Variants in VWA3B observed in about 807,000 individuals in gnomAD.
VWA3B encodes the protein von Willebrand factor A domain-containing protein 3B.
A neutral mutation model predicts 158.3 loss-of-function variants in VWA3B; 138 were observed. That is an observed-to-expected ratio of 0.87 (90% CI 0.76 to 1.00). VWA3B has a LOEUF of 1.00. Among genes scored for constraint, VWA3B ranks in the 50% least tolerant of loss-of-function variants. The probability of loss-of-function intolerance (pLI) is 0.00; values close to 1 mark genes in which losing one functional copy is unlikely to be tolerated. For synonymous variants in VWA3B, 596 were observed against 587.3 expected (o/e 1.01, Z -0.21); for missense variants, 1,555 against 1,565.1 (o/e 0.99, Z 0.11).
At chr2:98,113,627 T>C (rs1023766942) in intron 2 of VWA3B, among the ~76,000 whole-genome samples, 1 of 152,180 alleles carries the variant, frequency 6.6e-6, no homozygotes, top group African/African-American at 2.4e-5. Flanking sequence ...TATTCACAGA[T>C]ATGTGCAACT....
intron 12 of VWA3B, among the ~76,000 whole-genome samples, chr2:98,196,486 C>T (rs1009746943): frequency 2.0e-5 from 3 of 152,146 alleles, no homozygotes; most frequent in African/African-American, 7.2e-5. Context: ...AACCCGGTAG[C>T]ACTCAGGGTG....
At chr2:98,323,707 T>C in the VWA3B span, among the ~76,000 whole-genome samples, 14 of 152,156 alleles carry the variant, frequency 9.2e-5, no homozygotes, top group Non-Finnish European at 1.8e-4. Context: ...CAGAGGAAGA[T>C]TGACATGATT....
At chr2:98,176,183 AGTT>A (rs2105323110) in intron 8 of VWA3B, among the ~76,000 whole-genome samples, 1 of 152,082 alleles carries the variant, frequency 6.6e-6, no homozygotes, top group African/African-American at 2.4e-5. Flanking sequence ...TTTTCCTGAC[AGTT>A]GTTATGTTTC....
At chr2:98,144,964 A>G (rs932685107) in intron 7 of VWA3B, among the ~76,000 whole-genome samples, 4 of 152,258 alleles carry the variant, frequency 2.6e-5, no homozygotes, top group African/African-American at 9.6e-5. Context: ...TGAGTGGCTC[A>G]GGAGCTGTGC....
intron 7 of VWA3B, among the ~76,000 whole-genome samples, chr2:98,148,399 T>C (rs1677345599): frequency 6.6e-6 from 1 of 152,240 alleles, no homozygotes; most frequent in African/African-American, 2.4e-5. Context: ...ATTACCCTTT[T>C]ACTTGCGGGG....
chr2:98,244,174 A>C lies in VWA3B; in HGVS notation c.2674-6144A>C, dbSNP rs956544961. 5.3e-5 allele frequency among the ~76,000 whole-genome samples: 8 copies of C among 152,172 alleles called. No homozygotes were observed. In the South Asian group the frequency reaches 1.0e-3, roughly 20 times the overall value. ...TATGTTATGAACATTTTTCCTTACA[A>C]TAGCCATTTTGGGATGAATTTTAGT... On this transcript the variant is annotated intron_variant, in intron 19 of 27. Transcript: ENST00000477737.
intron 23 of VWA3B, among the ~76,000 whole-genome samples, chr2:98,294,203 C>CAAAAAAAAAAAAAAAAAA (rs751689571): frequency 1.8e-5 from 1 of 56,296 alleles, no homozygotes; most frequent in Non-Finnish European, 3.0e-5. Flanking sequence ...CACACACACA[C>CAAAAAAAAAAAAAAAAAA]AAAAAAAAAA....
chr2:98,261,069 A>G (rs1687449601), intron 21 of VWA3B, among the ~76,000 whole-genome samples: 1 of 151,652 alleles, frequency 6.6e-6, no homozygotes, highest in Admixed American at 6.6e-5. Context: ...CCATTGTGCT[A>G]TTTGTTTTGC....
At chr2:98,233,393 G>A (rs1685465054) in intron 16 of VWA3B, among the ~76,000 whole-genome samples, 1 of 152,152 alleles carries the variant, frequency 6.6e-6, no homozygotes, top group Non-Finnish European at 1.5e-5. Context: ...TAGTTTTTAT[G>A]TTTGGAGACT....
intron 14 of VWA3B, among the ~76,000 whole-genome samples, chr2:98,225,614 GAAAT>G (rs1362582862): frequency 6.8e-6 from 1 of 147,790 alleles, no homozygotes; most frequent in East Asian, 2.0e-4. Flanking sequence ...GGCAAGAAAA[GAAAT>G]AAAAGGCATA....
intron 22 of VWA3B, among the ~76,000 whole-genome samples, chr2:98,271,933 A>T (rs1214987143): frequency 6.6e-6 from 1 of 152,022 alleles, no homozygotes; most frequent in Non-Finnish European, 1.5e-5. Context: ...GAGGTGGGAC[A>T]TTTAAGAGGT....
chr2:98,280,804 A>G (rs1688832693), intron 22 of VWA3B, among the ~76,000 whole-genome samples: 1 of 152,154 alleles, frequency 6.6e-6, no homozygotes, highest in East Asian at 1.9e-4. Context: ...AGACTACTGG[A>G]AAGGAAGGGG....
chr2:98,191,942 C>A (rs1234334050), intron 10 of VWA3B, among the ~76,000 whole-genome samples: 6 of 152,238 alleles, frequency 3.9e-5, no homozygotes, highest in African/African-American at 1.4e-4. Flanking sequence ...ACCCCCCAGG[C>A]TTTGCTTGCA....
chr2:98,216,210 G>A (rs1450431252), intron 13 of VWA3B, among the ~76,000 whole-genome samples: 3 of 152,176 alleles, frequency 2.0e-5, no homozygotes, highest in East Asian at 1.9e-4. Context: ...AAATTAAGTG[G>A]GTTCTAGAAA....
intron 3 of VWA3B, among the ~76,000 whole-genome samples, chr2:98,118,677 G>T (rs1674714184): frequency 6.6e-6 from 1 of 152,070 alleles, no homozygotes; most frequent in South Asian, 2.1e-4. Flanking sequence ...GCCAGCAACG[G>T]CTACCCTCTT....
intron 15 of VWA3B, among the ~76,000 whole-genome samples, chr2:98,229,238 C>T (rs542072973): frequency 1.3e-5 from 2 of 152,266 alleles, no homozygotes; most frequent in South Asian, 4.2e-4. Flanking sequence ...AAATGAGAAG[C>T]CATTTATTGA....
At chr2:98,167,534 G>A (rs1347248395) in intron 8 of VWA3B, among the ~76,000 whole-genome samples, 4 of 152,264 alleles carry the variant, frequency 2.6e-5, no homozygotes, top group East Asian at 3.9e-4. Context: ...GAGGAGGAAC[G>A]TAGGTGGAGC....
intron 21 of VWA3B, among the ~76,000 whole-genome samples, chr2:98,266,865 A>G (rs955805113): frequency 5.4e-5 from 8 of 149,216 alleles, no homozygotes; most frequent in African/African-American, 2.0e-4. Flanking sequence ...ATTGGTGTAT[A>G]AGAATGCTTG....
chr2:98,305,421 T>G (rs1428826832), intron 26 of VWA3B, among the ~76,000 whole-genome samples: 1 of 152,198 alleles, frequency 6.6e-6, no homozygotes, highest in African/African-American at 2.4e-5. Context: ...TCATTAGTTT[T>G]GTGGTTGCTC....
Sources: allele counts gnomAD v4.1 joint callset (sites outside exome capture counted in the v4.1 genomes callset), GRCh38; gene constraint gnomAD v4.1.1; transcripts MANE v1.5; gene names NCBI Gene and HGNC (gene_info 2026-07-23, HGNC 2026-07-21).